The following PKLR variants were observed in gnomAD, a reference collection of about 807,000 sequenced individuals.
The protein encoded by PKLR is pyruvate kinase L/R, also known as pyruvate kinase PKLR.
Under a neutral mutation model 53.6 loss-of-function variants are expected in PKLR, and 38 were observed. The observed-to-expected ratio is 0.71, with a 90% CI of 0.55 to 0.93. The LOEUF is 0.93. Among genes scored for constraint, PKLR ranks in the 40% least tolerant of loss-of-function variants. The pLI is 0.00. For missense variants in PKLR, 702 were observed against 787.3 expected (o/e 0.89, Z 1.30); for synonymous variants, 328 against 316.2 (o/e 1.04, Z -0.39).
Position 155,295,074 on chromosome 1 carries a change from C to T in PKLR, c.694+42G>A, listed in dbSNP as rs781481607. 2 of 1,602,374 alleles carry T rather than the reference C, an allele frequency of 1.2e-6. No homozygotes were observed. The highest frequency in any genetic ancestry group is 4.5e-5 in the East Asian group (2 of 44,678). On this transcript the variant is annotated intron_variant, in intron 5 of 10. Coordinates refer to ENST00000342741, the MANE Select transcript of PKLR (RefSeq NM_000298.6). This position sits in a 1 kb window ranked among gnomAD's most constrained non-coding sequence, Gnocchi z 4.3. ...GGGGAGCCAAGGAGAAGGGAATGTG[C>T]CCAGCGCACGGATGTGGTCAGGGCG...
rs1221803378 is a variant in PKLR at position 155,293,106 on chromosome 1, C to G, written c.1436+71G>C. The G allele has an allele frequency of 2.6e-6, 4 of 1,532,902 alleles. No homozygotes were observed. Among genetic ancestry groups the G allele is most frequent in the Middle Eastern group, 3.4e-4 (2 of 5,840 alleles). The allele number at this position is 1,532,902 out of a possible 1,614,324, so 95.0% of individuals were successfully genotyped here. On this transcript the variant is annotated intron_variant, in intron 9 of 10. Coordinates refer to ENST00000342741, the MANE Select transcript of PKLR (RefSeq NM_000298.6). The surrounding 1 kb of genome is among the most constrained non-coding windows in gnomAD (Gnocchi z 4.2). The stretch of plus-strand genomic sequence containing the variant: ...TCACCCCTGGTGACCAGACTAAACC[C>G]AAGCCTGGGGCCCGTCCCAGCCCAC...
At chr1:155,290,729 C>G (rs748392621) in intron 10 of PKLR, 51 bp from the exon 11 acceptor site, 5 of 1,123,260 alleles carry the variant, frequency 4.5e-6, no homozygotes, top group Non-Finnish European at 6.8e-6. Context: ...TGGCTCACAC[C>G]TGTAATCCCA....
Position 155,290,430 on chromosome 1 carries a change from T to C in PKLR, c.*142A>G. The C allele has an allele frequency of 1.5e-6, 1 of 664,398 alleles. No individual in the cohort carries two copies. The highest frequency in any genetic ancestry group is 2.8e-6 in the Non-Finnish European group (1 of 363,342). 41.2% of individuals were successfully genotyped at this position (664,398 alleles called of 1,614,324 possible). On this transcript the variant is annotated 3_prime_UTR_variant, in exon 11 of 11. Transcript: ENST00000342741. ...GCTAGATGACAGTTATAGTCTCAGATAGGCCTCAGGTAGGGAGGGTCAGGA... is the reference window on the plus strand; with the variant it reads ...GCTAGATGACAGTTATAGTCTCAGACAGGCCTCAGGTAGGGAGGGTCAGGA...
At chr1:155,300,697 G>A (rs1376854248) in intron 1 of PKLR, among the ~76,000 whole-genome samples, 1 of 151,838 alleles carries the variant, frequency 6.6e-6, no homozygotes, top group African/African-American at 2.4e-5. Context: ...ACCCTATGCA[G>A]ACCCAGAATC....
In PKLR at chr1:155,294,202, C is replaced by G. The variant is rs754648942; in HGVS notation, c.1116+33G>C. 5.0e-6 allele frequency: 8 copies of G among 1,613,424 alleles called. No homozygotes were observed. In the East Asian group the frequency reaches 1.8e-4, roughly 36 times the overall value. On this transcript the variant is annotated intron_variant, in intron 7 of 10. Coordinates refer to ENST00000342741, the MANE Select transcript of PKLR (RefSeq NM_000298.6). The stretch of plus-strand genomic sequence containing the variant: ...CACCCACAGGTGTCCCTAAAACCCA[C>G]AGAGTGCCGAACCTCAAGGCCTCAC...
upstream of PKLR, among the ~76,000 whole-genome samples, chr1:155,303,115 C>T (rs538320319): frequency 6.6e-6 from 1 of 152,366 alleles, no homozygotes; most frequent in East Asian, 1.9e-4. Flanking sequence ...CCATTGTCCA[C>T]AGCAAGGATG....
intron 10 of PKLR, among the ~76,000 whole-genome samples, 196 bp downstream of exon 10, chr1:155,291,560 C>T (rs1342559192): frequency 1.3e-5 from 2 of 151,866 alleles, no homozygotes; most frequent in Admixed American, 1.3e-4. Context: ...GTAGCACGGC[C>T]GTCTGCCTGT....
At chr1:155,290,795 C>T in intron 10 of PKLR, 117 bp from the exon 11 acceptor site, 1 of 702,630 alleles carries the variant, frequency 1.4e-6, no homozygotes, top group South Asian at 1.5e-5. Context: ...TTGAGACCAG[C>T]CTGGCCAACA....
rs777806779 is a variant in PKLR, at chr1:155,294,212, A to C, written c.1116+23T>G. ...TGTCCCTAAAACCCACAGAGTGCCG[A>C]ACCTCAAGGCCTCACTCCAGACCTG... On this transcript the variant is annotated intron_variant, in intron 7 of 10. Transcript: ENST00000342741. 2.1e-5 allele frequency: 34 copies of C among 1,613,892 alleles called. No homozygotes were observed. In the Admixed American group the frequency reaches 5.5e-4, roughly 26 times the overall value.
chr1:155,299,878 A>C lies in PKLR; in HGVS notation c.283+220T>G, dbSNP rs535641594. ...GTGCTTACTATTTATTGTCATACTC[A>C]GCTAGACTGTCAGCTCCCCAAGGGT... On this transcript the variant is annotated intron_variant, in intron 2 of 10. Transcript: ENST00000342741. Among the ~76,000 whole-genome samples the C allele has an allele frequency of 3.9e-5, 6 of 152,278 alleles. No homozygotes were observed. The East Asian group carries it at 1.2e-3, about 29-fold the overall frequency.
Position 155,301,361 on chromosome 1 carries a change from A to C in PKLR, c.35T>G (p.Leu12Arg). Residue 12 changes from leucine to arginine, a missense_variant, in exon 1 of 11, where the codon CTT (leucine) becomes CGT (arginine). Leu to Arg is a moderately radical substitution (Grantham distance 102, BLOSUM62 -2). Coordinates refer to ENST00000342741, the MANE Select transcript of PKLR (RefSeq NM_000298.6). ...TTGGGACTTAGAGACCCATGACCGA[A>C]GCTGCAGGGATGATATGTTCTCCTG... ...SIQENISSLQ[L>R]RSWVSKSQRD... 3.1e-6 allele frequency: 5 copies of C among 1,613,908 alleles called. No individual in the cohort carries two copies. The highest frequency in any genetic ancestry group is 4.2e-6 in the Non-Finnish European group (5 of 1,179,872).
intron 2 of PKLR, among the ~76,000 whole-genome samples, chr1:155,296,133 A>G (rs1647584955): frequency 6.6e-6 from 1 of 152,126 alleles, no homozygotes; most frequent in African/African-American, 2.4e-5. Flanking sequence ...TTTTAGAGCT[A>G]GGAGGCCTCA....
At chr1:155,290,767 T>G (rs1674496511) in intron 10 of PKLR, 89 bp from the exon 11 acceptor site, 1 of 785,266 alleles carries the variant, frequency 1.3e-6, no homozygotes, top group Non-Finnish European at 2.2e-6. Context: ...GGCAGGAGGA[T>G]CACCTGAGGT....
chr1:155,294,993 ACGGG>A, intron 5 of PKLR, 119 bp downstream of exon 5: 1 of 1,178,792 alleles, frequency 8.5e-7, no homozygotes. Context: ...GACTCCTGGG[ACGGG>A]CTGGCAAAAA....
In PKLR at chr1:155,301,316, A is replaced by T; in HGVS notation, c.80T>A (p.Ile27Asn). The T allele has an allele frequency of 1.2e-6, 2 of 1,613,928 alleles. No individual in the cohort carries two copies. Among genetic ancestry groups the T allele is most frequent in the South Asian group, 1.1e-5 (1 of 91,066 alleles). Reference protein sequence around the residue: ...SKSQRDLAKSILIGAPGGPAG... With the variant: ...SKSQRDLAKSNLIGAPGGPAG... ...CTTACCTCCTGGAGCCCCAATCAGG[A>T]TGGACTTTGCTAAGTCTCTTTGGGA... is the stretch of plus-strand genomic sequence containing the variant. The change falls in exon 1 of 11, where the codon ATC (isoleucine) becomes AAC (asparagine). Residue 27 changes from isoleucine (I) to asparagine (N), a missense_variant. By Grantham distance (149) the Ile-to-Asn change is moderately radical. Coordinates refer to ENST00000342741, the MANE Select transcript of PKLR (RefSeq NM_000298.6).
chr1:155,300,406 A>G (rs1647924410), intron 1 of PKLR, 126 bp from the exon 2 acceptor site: 1 of 736,882 alleles, frequency 1.4e-6, no homozygotes, highest in Admixed American at 2.2e-5. Context: ...TTATTTTATT[A>G]TGTCACAAGG....
In PKLR at chr1:155,290,312, A is replaced by G; in HGVS notation, c.*260T>C. On this transcript the variant is annotated 3_prime_UTR_variant, in exon 11 of 11. Coordinates refer to ENST00000342741, the MANE Select transcript of PKLR (RefSeq NM_000298.6). ...TGAGCAGATTGGATGCAGGGAATGT[A>G]CAATTGGTGCTGTTGGGTGGCCAGT... The G allele has an allele frequency of 1.9e-6, 1 of 536,598 alleles. No homozygotes were observed. The highest frequency in any genetic ancestry group is 3.3e-5 in the East Asian group (1 of 30,740). 33.2% of individuals were successfully genotyped at this position (536,598 alleles called of 1,614,324 possible).
At position 155,293,358 on chromosome 1, in the gene PKLR, A is replaced by T. The variant is rs778487109; in HGVS notation, c.1270-15T>A. ...TCCCGGGCAATCTGCAGGTGCCAGA[A>T]TGTTAGTCTGGGAAGGGGCACTGGG... On this transcript the variant is annotated splice_polypyrimidine_tract_variant and intron_variant, in intron 8 of 10. Transcript: ENST00000342741. This position sits in a 1 kb window ranked among gnomAD's most constrained non-coding sequence, Gnocchi z 4.2. 3 of 1,614,042 alleles carry T rather than the reference A, an allele frequency of 1.9e-6. No individual in the cohort carries two copies. In the South Asian group the frequency reaches 3.3e-5, roughly 18 times the overall value.
Position 155,295,165 on chromosome 1 carries a change from G to A in PKLR, c.645C>T (p.Gly215=), listed in dbSNP as rs778484808. The change falls in exon 5 of 11, where the codon GGC becomes GGT. Residue 215 remains glycine, a synonymous_variant. Coordinates refer to ENST00000342741, the MANE Select transcript of PKLR (RefSeq NM_000298.6). The surrounding 1 kb of genome is among the most constrained non-coding windows in gnomAD (Gnocchi z 4.3). ...TGAGCCCGTCGTCAATGTAGATGCG[G>A]CCCCCCACCGGCACGACCCGGACAA... ...PNIVRVVPVG[G]RIYIDDGLIS... is the part of the protein sequence containing the mutation. 3.7e-6 allele frequency: 6 copies of A among 1,613,994 alleles called. No individual in the cohort carries two copies. The highest frequency in any genetic ancestry group is 5.1e-6 in the Non-Finnish European group (6 of 1,180,002).
Sources: gnomAD v4.1 joint callset for allele counts (sites outside exome capture counted in the v4.1 genomes callset) on GRCh38, gnomAD v4.1.1 for gene constraint, Gnocchi (gnomAD v3.1) non-coding constraint, MANE v1.5 for transcripts, NCBI Gene and HGNC (gene_info 2026-07-23, HGNC 2026-07-21) for gene names.